Variants in CFAP47 observed in about 807,000 individuals in gnomAD.
The protein encoded by CFAP47 is cilia and flagella associated protein 47.
CFAP47 carries 29 observed loss-of-function variants against 148.1 expected under a neutral mutation model. That is an observed-to-expected ratio of 0.20 (90% CI 0.15 to 0.27). CFAP47 has a LOEUF of 0.27. CFAP47 is among the 10% of genes least tolerant of loss of function. CFAP47 has a pLI of 1.00. For synonymous variants in CFAP47, 664 were observed against 577.3 expected, an observed-to-expected ratio of 1.15 and a Z score of -2.15; for missense variants, 1,872 against 1,697.5, an observed-to-expected ratio of 1.10 and a Z score of -1.81.
chrX:36,305,794 A>G (rs1556008688), intron 54 of CFAP47, among the ~76,000 whole-genome samples: 1 of 111,974 alleles, frequency 8.9e-6, no homozygotes, highest in African/African-American at 3.2e-5. Flanking sequence ...AGTGAAATTA[A>G]TTAATAATCC....
At chrX:36,042,549 TAA>T (rs1219709367) in intron 25 of CFAP47, among the ~76,000 whole-genome samples, 4 of 109,423 alleles carry the variant, frequency 3.7e-5, no homozygotes, top group Non-Finnish European at 7.6e-5. Context: ...CATCAAAAAT[TAA>T]AAGATAATAG....
intron 46 of CFAP47, among the ~76,000 whole-genome samples, chrX:36,235,246 C>G (rs1940440712): frequency 8.9e-6 from 1 of 112,025 alleles, no homozygotes; most frequent in South Asian, 3.7e-4. Flanking sequence ...GCAGGCAGGC[C>G]CCCTTGAGCT....
chrX:36,001,983 A>G (rs1485245047), intron 21 of CFAP47, among the ~76,000 whole-genome samples: 1 of 111,606 alleles, frequency 9.0e-6, no homozygotes, highest in African/African-American at 3.3e-5. Flanking sequence ...ATTTTGAAGG[A>G]GAGGAAAGTT....
chrX:36,369,630 G>A (rs963614033), intron 62 of CFAP47, among the ~76,000 whole-genome samples: 63 of 111,337 alleles, frequency 5.7e-4, no homozygotes, highest in Middle Eastern at 4.6e-3. Context: ...TTTATAACTG[G>A]AGATGTTTAC....
intron 30 of CFAP47, among the ~76,000 whole-genome samples, chrX:36,089,477 A>C (rs749357889): frequency 1.0e-3 from 116 of 112,392 alleles, no homozygotes; most frequent in Non-Finnish European, 1.7e-3. Context: ...GCATCTAAGA[A>C]TGAAAATATT....
chrX:36,143,135 T>C (rs866003727), intron 35 of CFAP47, among the ~76,000 whole-genome samples: 10 of 112,477 alleles, frequency 8.9e-5, no homozygotes, highest in African/African-American at 1.9e-4. Context: ...TCCTGGTATA[T>C]TTCCAAGGCT....
At position 36,367,050 on chromosome X, in the gene CFAP47, G is replaced by A. The variant is rs951684097; in HGVS notation, c.9108G>A (p.Thr3036=). Reference sequence around the variant, plus strand: ...TGTTGATCGCTACTGAACCTGATACGGATGCTGTCATTGACATTGAAGGAG... The same window carrying A: ...TGTTGATCGCTACTGAACCTGATACAGATGCTGTCATTGACATTGAAGGAG... The part of the protein sequence containing the change: ...PIMLIATEPD[T]DAVIDIEGVG... Residue 3036 remains threonine (T), a synonymous_variant, in exon 62 of 64, where the codon ACG becomes ACA. Transcript: ENST00000378653. 6.0e-6 allele frequency: 7 copies of A among 1,157,996 alleles called. No individual in the cohort carries two copies. The highest frequency in any genetic ancestry group is 1.8e-5 in the African/African-American group (1 of 56,074).
chrX:36,026,880 T>C (rs1334802874), intron 22 of CFAP47, among the ~76,000 whole-genome samples: 1 of 110,139 alleles, frequency 9.1e-6, no homozygotes, highest in Non-Finnish European at 1.9e-5. Flanking sequence ...ATTGAATATA[T>C]AATTTTGTAT....
At chrX:36,143,963 C>T (rs1939187356) in intron 35 of CFAP47, among the ~76,000 whole-genome samples, 1 of 111,038 alleles carries the variant, frequency 9.0e-6, no homozygotes, top group South Asian at 3.7e-4. Flanking sequence ...TAGCCTGGCA[C>T]TCCTTAGTCT....
chrX:36,101,866 A>C (rs1216956825), intron 32 of CFAP47, among the ~76,000 whole-genome samples: 1 of 112,066 alleles, frequency 8.9e-6, no homozygotes, highest in East Asian at 2.8e-4. Context: ...GGGTTAAAAG[A>C]ACACATAATT....
chrX:36,064,597 A>G (rs2146752546), intron 26 of CFAP47, among the ~76,000 whole-genome samples: 1 of 111,668 alleles, frequency 9.0e-6, no homozygotes, highest in Non-Finnish European at 1.9e-5. Context: ...CCTATTCTAT[A>G]TTTACTTACA....
chrX:36,110,080 G>A (rs773088979), intron 33 of CFAP47, among the ~76,000 whole-genome samples: 15 of 111,343 alleles, frequency 1.3e-4, no homozygotes, highest in East Asian at 5.7e-4. Context: ...TACTCTGTTG[G>A]TAGTTTCTTT....
intron 40 of CFAP47, among the ~76,000 whole-genome samples, chrX:36,183,306 G>T (rs1041803804): frequency 9.0e-6 from 1 of 111,053 alleles, no homozygotes; most frequent in Admixed American, 9.6e-5. Flanking sequence ...GTGACAGAGT[G>T]AGACCCTATT....
intron 51 of CFAP47, among the ~76,000 whole-genome samples, chrX:36,289,377 A>C (rs1239912377): frequency 9.0e-6 from 1 of 111,209 alleles, no homozygotes; most frequent in East Asian, 2.8e-4. Context: ...ATGACATTGA[A>C]ATTTTTCTTC....
chrX:36,158,447 G>T (rs1939393378), intron 37 of CFAP47, among the ~76,000 whole-genome samples: 1 of 112,009 alleles, frequency 8.9e-6, no homozygotes, highest in African/African-American at 3.2e-5. Flanking sequence ...AGTAATCAAA[G>T]GTACTAGATT....
At chrX:36,165,575 T>C (rs1173254556) in intron 39 of CFAP47, among the ~76,000 whole-genome samples, 1 of 111,484 alleles carries the variant, frequency 9.0e-6, no homozygotes, top group Non-Finnish European at 1.9e-5. Flanking sequence ...CCCAACAATA[T>C]ATTGCTATAA....
At chrX:36,088,860 C>T (rs982620795) in intron 30 of CFAP47, among the ~76,000 whole-genome samples, 6 of 110,080 alleles carry the variant, frequency 5.5e-5, no homozygotes, top group African/African-American at 1.3e-4. Flanking sequence ...AAACTAAAAC[C>T]GACACAGAAT....
At chrX:36,133,816 G>T (rs1450847448) in intron 33 of CFAP47, among the ~76,000 whole-genome samples, 1 of 102,852 alleles carries the variant, frequency 9.7e-6, no homozygotes, top group South Asian at 4.2e-4. Flanking sequence ...AAAAAGAAAA[G>T]AAAAAGAAAG....
intron 41 of CFAP47, 35 bp downstream of exon 41, chrX:36,188,725 A>G (rs1939834159): frequency 3.4e-6 from 1 of 294,699 alleles, no homozygotes; most frequent in East Asian, 4.8e-5. Flanking sequence ...ATTTGTTTTC[A>G]TGTCTGATTT....
Sources: gnomAD v4.1 joint callset for allele counts (sites outside exome capture counted in the v4.1 genomes callset) on GRCh38, gnomAD v4.1.1 for gene constraint, MANE v1.5 for transcripts, NCBI Gene and HGNC (gene_info 2026-07-23, HGNC 2026-07-21) for gene names.